The following DLC1 variants were observed in gnomAD, a reference collection of about 807,000 sequenced individuals.
DLC1 encodes DLC1 Rho GTPase activating protein.
Under a neutral mutation model 140.3 loss-of-function variants are expected in DLC1, and 54 were observed. The ratio of observed to expected loss-of-function variants is 0.38; its 90% CI spans 0.31 to 0.48. DLC1 has a LOEUF of 0.48. DLC1 is among the 20% of genes least tolerant of loss of function. The pLI is 0.96. For synonymous variants in DLC1, 986 were observed against 728.1 expected, an observed-to-expected ratio of 1.35 and a Z score of -5.70; for missense variants, 2,536 against 1,907.0, an observed-to-expected ratio of 1.33 and a Z score of -6.14.
intron 5 of DLC1, among the ~76,000 whole-genome samples, chr8:13,282,249 G>C (rs1197530642): frequency 6.6e-6 from 1 of 152,172 alleles, no homozygotes. Context: ...GGAGCTGTTT[G>C]TTTGGGTTTA....
intron 5 of DLC1, among the ~76,000 whole-genome samples, chr8:13,129,116 G>A (rs41326745): frequency 0.049 from 7,420 of 152,244 alleles, 245 homozygotes; most frequent in Non-Finnish European, 0.063. Flanking sequence ...ACATTAACTG[G>A]ATCTCTAACT....
At chr8:13,566,508 G>C (rs1343421440) in intron 1 of DLC1, among the ~76,000 whole-genome samples, 1 of 152,150 alleles carries the variant, frequency 6.6e-6, no homozygotes, top group Non-Finnish European at 1.5e-5. Context: ...CTGCAGACAA[G>C]TTTTTGCTTG....
At chr8:13,412,809 G>T (rs912657510) in intron 2 of DLC1, among the ~76,000 whole-genome samples, 3 of 151,846 alleles carry the variant, frequency 2.0e-5, no homozygotes, top group African/African-American at 7.3e-5. Flanking sequence ...GTGGGAGCCT[G>T]TAGTCCCAGC....
chr8:13,453,437 TG>T (rs1799206067), intron 2 of DLC1, among the ~76,000 whole-genome samples: 2 of 36,004 alleles, frequency 5.6e-5, no homozygotes, highest in African/African-American at 2.9e-4. Context: ...TATATATATA[TG>T]TATATATATA....
rs1184060197 is a variant in DLC1, at chr8:13,602,158, C to T, written c.-126+2379G>A. On this transcript the variant is annotated intron_variant, in intron 1 of 1. Transcript: ENST00000631382. ...ATCAGAGGAACATGTTAAACAATAC[C>T]ATGGTATTGCAATCAGCAAAATCCA... is the stretch of plus-strand genomic sequence containing the variant. Among the ~76,000 whole-genome samples the T allele has an allele frequency of 2.0e-5, 3 of 151,698 alleles. No homozygotes were observed. In the South Asian group the frequency reaches 6.2e-4, roughly 31 times the overall value.
intron 6 of DLC1, 46 bp from the exon 7 acceptor site, chr8:13,110,869 A>T: frequency 1.3e-6 from 2 of 1,572,138 alleles, no homozygotes; most frequent in Non-Finnish European, 1.8e-6. Context: ...CCTAAAACCC[A>T]ATTTGCCAAA....
intron 5 of DLC1, among the ~76,000 whole-genome samples, chr8:13,151,401 G>A (rs749739281): frequency 1.1e-4 from 16 of 152,166 alleles, no homozygotes; most frequent in Non-Finnish European, 2.2e-4. Flanking sequence ...AATTTAGGCA[G>A]AATTTGAACA....
At chr8:13,407,377 C>T (rs573910630) in intron 2 of DLC1, among the ~76,000 whole-genome samples, 3 of 152,198 alleles carry the variant, frequency 2.0e-5, no homozygotes. Flanking sequence ...CCCAACACCC[C>T]TCTTTCTACA....
chr8:13,321,726 G>C (rs777551146), intron 4 of DLC1, among the ~76,000 whole-genome samples: 6 of 151,890 alleles, frequency 4.0e-5, no homozygotes, highest in Non-Finnish European at 8.8e-5. Context: ...AAGGAAAACT[G>C]GTTTTCTCAA....
chr8:13,120,356 A>AAAAAAAAAATATATAT, intron 5 of DLC1, among the ~76,000 whole-genome samples: 1 of 61,120 alleles, frequency 1.6e-5, no homozygotes, highest in Non-Finnish European at 3.8e-5. Context: ...AAAAAAAAAA[A>AAAAAAAAAATATATAT]ATATATATAT....
At chr8:13,363,371 GTTTT>G (rs57084358) in intron 4 of DLC1, among the ~76,000 whole-genome samples, 28 of 144,170 alleles carry the variant, frequency 1.9e-4, no homozygotes, top group African/African-American at 3.6e-4. Flanking sequence ...CATTTGCAGT[GTTTT>G]TTTTTTTTTT....
chr8:13,422,270 A>G (rs1838350323), intron 2 of DLC1, among the ~76,000 whole-genome samples: 1 of 152,150 alleles, frequency 6.6e-6, no homozygotes, highest in Non-Finnish European at 1.5e-5. Context: ...ACAATACAGT[A>G]TTACTGTTCT....
intron 1 of DLC1, among the ~76,000 whole-genome samples, chr8:13,545,097 A>T (rs1803610288): frequency 1.3e-5 from 2 of 152,154 alleles, no homozygotes; most frequent in South Asian, 4.1e-4. Context: ...ATAAAATTTT[A>T]AAATTAACTA....
intron 16 of DLC1, 101 bp downstream of exon 16, chr8:13,088,386 T>A (rs1297844322): frequency 1.2e-5 from 16 of 1,365,328 alleles, no homozygotes; most frequent in Non-Finnish European, 1.6e-5. Flanking sequence ...GCCCGGCCTC[T>A]ACTTTAAATA....
At chr8:13,365,649 G>C (rs772954978) in intron 4 of DLC1, among the ~76,000 whole-genome samples, 2 of 152,102 alleles carry the variant, frequency 1.3e-5, no homozygotes, top group African/African-American at 4.8e-5. Context: ...GTGGTGAGAC[G>C]GTGCTCCTTC....
chr8:13,143,846 G>GAGAGAGAGAGAGAGACAGAGAGAC (rs1476183797), intron 5 of DLC1, among the ~76,000 whole-genome samples: 1 of 148,388 alleles, frequency 6.7e-6, no homozygotes, highest in Non-Finnish European at 1.5e-5. Flanking sequence ...GAGAGAGAGA[G>GAGAGAGAGAGAGAGACAGAGAGAC]AGAGAGACAT....
intron 2 of DLC1, among the ~76,000 whole-genome samples, chr8:13,476,956 A>G (rs915031320): frequency 2.0e-5 from 3 of 152,232 alleles, no homozygotes; most frequent in Non-Finnish European, 2.9e-5. Flanking sequence ...TTCTGGGTAC[A>G]TAGCAAGGGA....
intron 1 of DLC1, among the ~76,000 whole-genome samples, chr8:13,552,382 A>G (rs964372731): frequency 6.6e-6 from 1 of 150,540 alleles, no homozygotes; most frequent in African/African-American, 2.4e-5. Context: ...TAAATTATTT[A>G]TGGACAAAGT....
chr8:13,508,720 A>G (rs189439245), intron 1 of DLC1, among the ~76,000 whole-genome samples: 1 of 152,016 alleles, frequency 6.6e-6, no homozygotes, highest in Non-Finnish European at 1.5e-5. Context: ...GCCCGGCCAG[A>G]TGTAGTAATT....
Sources: gnomAD v4.1 joint callset for allele counts (sites outside exome capture counted in the v4.1 genomes callset) on GRCh38, gnomAD v4.1.1 for gene constraint, MANE v1.5 for transcripts, NCBI Gene and HGNC (gene_info 2026-07-23, HGNC 2026-07-21) for gene names.